The following RNF130 variants were observed in gnomAD, a reference collection of about 807,000 sequenced individuals.
RNF130 encodes ring finger protein 130.
A neutral mutation model predicts 44.6 loss-of-function variants in RNF130; 21 were observed. That is an observed-to-expected ratio of 0.47 (90% CI 0.33 to 0.68). The LOEUF is 0.68. Among genes scored for constraint, RNF130 ranks in the 30% least tolerant of loss-of-function variants. The probability of loss-of-function intolerance (pLI) is 0.02; values close to 1 mark genes in which losing one functional copy is unlikely to be tolerated. For synonymous variants in RNF130, 214 were observed against 210.4 expected, an observed-to-expected ratio of 1.02 and a Z score of -0.15; for missense variants, 479 against 560.6, an observed-to-expected ratio of 0.85 and a Z score of 1.47.
Position 179,992,303 on chromosome 5 carries a change from G to A in RNF130, c.694-12103C>T, listed in dbSNP as rs373393654. 8.9e-3 allele frequency among the ~76,000 whole-genome samples: 1,352 copies of A among 152,136 alleles called. 17 individuals are homozygous for A. Among genetic ancestry groups the A allele is most frequent in the African/African-American group, 0.031 (1,295 of 41,516 alleles). ...ACTACAGGCACCCGCCACCATGCCC[G>A]GCTAATTTTTTGTATTTTTAGTAGA... On this transcript the variant is annotated intron_variant, in intron 3 of 8. Transcript: ENST00000521389.
At chr5:180,035,061 A>G (rs986138018) in intron 2 of RNF130, among the ~76,000 whole-genome samples, 1 of 151,978 alleles carries the variant, frequency 6.6e-6, no homozygotes, top group Non-Finnish European at 1.5e-5. Flanking sequence ...TTTCTCCTCT[A>G]ATCTTTATTA....
chr5:179,924,787 A>C (rs1006519283), intron 7 of RNF130, among the ~76,000 whole-genome samples: 3 of 151,596 alleles, frequency 2.0e-5, no homozygotes, highest in Non-Finnish European at 4.4e-5. Context: ...AGGCTATCTC[A>C]AAAAAAAATT....
intron 4 of RNF130, 130 bp downstream of exon 4, chr5:179,979,999 G>T: frequency 1.4e-6 from 1 of 713,280 alleles, no homozygotes; most frequent in Non-Finnish European, 2.4e-6. Flanking sequence ...TTAAAATAAA[G>T]CATTAGGTAG....
At chr5:179,982,457 C>A (rs1030769869) in intron 3 of RNF130, among the ~76,000 whole-genome samples, 5 of 152,102 alleles carry the variant, frequency 3.3e-5, no homozygotes, top group Non-Finnish European at 7.3e-5. Flanking sequence ...ATTTAAGAGA[C>A]TGCCAAAGTG....
At chr5:180,019,315 C>T (rs1439219599) in intron 2 of RNF130, among the ~76,000 whole-genome samples, 4 of 150,410 alleles carry the variant, frequency 2.7e-5, no homozygotes, top group Admixed American at 6.6e-5. Flanking sequence ...ACCCGGGAGG[C>T]GGAGCTTGCA....
chr5:180,007,671 C>T (rs1285128134), intron 3 of RNF130, among the ~76,000 whole-genome samples: 1 of 152,198 alleles, frequency 6.6e-6, no homozygotes, highest in East Asian at 1.9e-4. Flanking sequence ...TGGAGAGACG[C>T]TTTGGAAGGA....
rs935551973 is a variant in RNF130 at position 179,944,139 on chromosome 5, T to C, written c.1150+22667A>G. Reference sequence around the variant, plus strand: ...GGTGCCTGCCACCATGCCTAGCTTTTTGTATTTTTAGTAGAGACGGGGGGG... The same window carrying C: ...GGTGCCTGCCACCATGCCTAGCTTTCTGTATTTTTAGTAGAGACGGGGGGG... On this transcript the variant is annotated intron_variant, in intron 7 of 7. Coordinates refer to the RNF130 transcript ENST00000522208. Among the ~76,000 whole-genome samples, 12 of 150,056 alleles carry C rather than the reference T, an allele frequency of 8.0e-5. No homozygotes were observed. In the East Asian group the frequency reaches 1.6e-3, roughly 19 times the overall value.
chr5:179,935,739 A>G (rs1427163221), intron 7 of RNF130, among the ~76,000 whole-genome samples: 1 of 151,360 alleles, frequency 6.6e-6, no homozygotes, highest in Non-Finnish European at 1.5e-5. Flanking sequence ...TTATTATTTT[A>G]TAATGCTTTT....
chr5:180,031,848 T>C (rs1764137081), intron 2 of RNF130, among the ~76,000 whole-genome samples: 1 of 152,258 alleles, frequency 6.6e-6, no homozygotes, highest in Non-Finnish European at 1.5e-5. Flanking sequence ...AAACTGGTTG[T>C]ACCATTTCAC....
intron 1 of RNF130, among the ~76,000 whole-genome samples, chr5:180,068,669 G>A (rs76181655): frequency 2.0e-5 from 3 of 152,190 alleles, no homozygotes; most frequent in Non-Finnish European, 2.9e-5. Flanking sequence ...ACTGCAAAGC[G>A]AACAGGAAGG....
intron 3 of RNF130, among the ~76,000 whole-genome samples, chr5:180,004,985 C>T (rs1318822069): frequency 6.6e-6 from 1 of 152,148 alleles, no homozygotes; most frequent in Non-Finnish European, 1.5e-5. Context: ...ACACCATCTG[C>T]CTGTGCCCAG....
chr5:179,935,549 A>G (rs951392697), intron 7 of RNF130, among the ~76,000 whole-genome samples: 1 of 151,898 alleles, frequency 6.6e-6, no homozygotes, highest in South Asian at 2.1e-4. Context: ...TTTTAAATCT[A>G]TCTTTGAGTA....
chr5:180,020,166 T>C (rs1763839607), intron 2 of RNF130, among the ~76,000 whole-genome samples: 1 of 152,122 alleles, frequency 6.6e-6, no homozygotes, highest in South Asian at 2.1e-4. Flanking sequence ...GGAGCAGCTA[T>C]GGGACCAGGC....
chr5:180,018,922 G>C (rs1763805692), intron 2 of RNF130, among the ~76,000 whole-genome samples: 2 of 152,200 alleles, frequency 1.3e-5, no homozygotes, highest in Non-Finnish European at 1.5e-5. Context: ...GATAAAGGAA[G>C]ATCCAGGAAG....
At chr5:179,960,364 C>A (rs953945355) in intron 8 of RNF130, among the ~76,000 whole-genome samples, 2 of 152,230 alleles carry the variant, frequency 1.3e-5, no homozygotes. Flanking sequence ...TAATCAGTCG[C>A]AGTACTAAAT....
At chr5:180,048,819 T>C (rs1327523300) in intron 1 of RNF130, among the ~76,000 whole-genome samples, 1 of 152,162 alleles carries the variant, frequency 6.6e-6, no homozygotes, top group Non-Finnish European at 1.5e-5. Context: ...CAGCAGCAAA[T>C]GAAGTCACAC....
At chr5:179,957,138 C>T (rs1210688375) in intron 8 of RNF130, among the ~76,000 whole-genome samples, 1 of 152,084 alleles carries the variant, frequency 6.6e-6, no homozygotes. Context: ...TAGGCTGGGC[C>T]TGGTGGCTCA....
chr5:179,959,635 A>AT (rs1050147998), intron 8 of RNF130, among the ~76,000 whole-genome samples: 1 of 152,224 alleles, frequency 6.6e-6, no homozygotes, highest in African/African-American at 2.4e-5. Context: ...TCAAAAAAAA[A>AT]AAAAGAGTAC....
At position 180,056,713 on chromosome 5, in the gene RNF130, G is replaced by A. The variant is rs181170300; in HGVS notation, c.247+14743C>T. ...TATTCCCAATAAAATGTGTATATATGTGTACAAAAGACACATACAATGCTC... is the reference window on the plus strand; with the variant it reads ...TATTCCCAATAAAATGTGTATATATATGTACAAAAGACACATACAATGCTC... On this transcript the variant is annotated intron_variant, in intron 1 of 8. Transcript: ENST00000521389. Among the ~76,000 whole-genome samples, 509 of 152,266 alleles carry A rather than the reference G, an allele frequency of 3.3e-3. 3 individuals carry two copies. Among genetic ancestry groups the A allele is most frequent in the African/African-American group, 0.011 (443 of 41,544 alleles).
Sources: allele counts gnomAD v4.1 joint callset (sites outside exome capture counted in the v4.1 genomes callset), GRCh38; gene constraint gnomAD v4.1.1; transcripts MANE v1.5; gene names NCBI Gene and HGNC (gene_info 2026-07-23, HGNC 2026-07-21).